NELL1: variants seen among roughly 807,000 people sequenced by gnomAD.
The protein encoded by NELL1 is protein kinase C-binding protein NELL1.
NELL1 carries 76 observed loss-of-function variants against 107.4 expected under a neutral mutation model. That is an observed-to-expected ratio of 0.71 (90% confidence interval 0.59 to 0.86). NELL1 has a LOEUF of 0.86. Ranked by LOEUF, NELL1 falls within the 40% of genes least tolerant of loss-of-function variation. The pLI is 0.00. For synonymous variants in NELL1, 353 were observed against 341.2 expected (o/e 1.03, Z -0.38); for missense variants, 1,024 against 1,005.5 (o/e 1.02, Z -0.25).
At chr11:21,568,765 G>T (rs1391063405) in intron 17 of NELL1, among the ~76,000 whole-genome samples, 1 of 151,530 alleles carries the variant, frequency 6.6e-6, no homozygotes, top group Non-Finnish European at 1.5e-5. Context: ...CCACTTGAAG[G>T]TCTTCAGGGA....
At chr11:21,365,043 T>C (rs1359318817) in intron 14 of NELL1, among the ~76,000 whole-genome samples, 1 of 152,178 alleles carries the variant, frequency 6.6e-6, no homozygotes, top group Non-Finnish European at 1.5e-5. Flanking sequence ...TCCAGGCCCA[T>C]CTCAAATGCT....
intron 14 of NELL1, among the ~76,000 whole-genome samples, chr11:21,239,344 G>T (rs1213383297): frequency 6.6e-6 from 1 of 151,914 alleles, no homozygotes; most frequent in African/African-American, 2.4e-5. Context: ...CTATAACAGG[G>T]ATGGATCGTC....
intron 2 of NELL1, among the ~76,000 whole-genome samples, chr11:20,763,701 A>G (rs746087222): frequency 2.8e-4 from 43 of 152,388 alleles, no homozygotes; most frequent in Non-Finnish European, 5.4e-4. Context: ...GCCGAGCCAC[A>G]GCGAGGGCTG....
chr11:21,491,068 G>C (rs1037715653), intron 15 of NELL1, among the ~76,000 whole-genome samples: 1 of 152,034 alleles, frequency 6.6e-6, no homozygotes, highest in Admixed American at 6.6e-5. Context: ...CTAACATTCA[G>C]AATATTCAAG....
At chr11:21,069,905 A>C (rs573129949) in intron 12 of NELL1, among the ~76,000 whole-genome samples, 1 of 152,294 alleles carries the variant, frequency 6.6e-6, no homozygotes, top group African/African-American at 2.4e-5. Context: ...TAAATAGTTG[A>C]AATGTGTGGA....
Position 20,970,080 on chromosome 11 carries a change from C to CATCCATCCATCCATCCATCCATCCATCT in NELL1, c.1300+9536_1300+9537insATCCATCCATCTATCCATCCATCCATCC, listed in dbSNP as rs1554952009. ...CCATCCATCCATCCATCCATCCATC[C>CATCCATCCATCCATCCATCCATCCATCT]ATCCATCCATCCATCCGTACTCTGA... is the stretch of plus-strand genomic sequence containing the variant. On this transcript the variant is annotated intron_variant, in intron 12 of 19. Transcript: ENST00000357134. Among the ~76,000 whole-genome samples the CATCCATCCATCCATCCATCCATCCATCT allele has an allele frequency of 3.6e-4, 54 of 151,414 alleles. 1 individual carries two copies. The highest frequency in any genetic ancestry group is 8.0e-4 in the African/African-American group (33 of 41,160).
chr11:20,904,227 AG>A (rs1849942959), intron 5 of NELL1, among the ~76,000 whole-genome samples: 2 of 151,962 alleles, frequency 1.3e-5, no homozygotes, highest in African/African-American at 4.8e-5. Context: ...AAAAAAAAAA[AG>A]AAAAAAGTGG....
At chr11:21,437,877 T>G (rs2133841810) in intron 15 of NELL1, among the ~76,000 whole-genome samples, 1 of 152,338 alleles carries the variant, frequency 6.6e-6, no homozygotes, top group African/African-American at 2.4e-5. Flanking sequence ...TTGGAAAACT[T>G]AAATTATTTG....
At chr11:20,881,987 A>G (rs1453248705) in intron 4 of NELL1, among the ~76,000 whole-genome samples, 1 of 152,224 alleles carries the variant, frequency 6.6e-6, no homozygotes, top group Non-Finnish European at 1.5e-5. Context: ...ACTGGAGAGC[A>G]AGGAGTTCAC....
intron 2 of NELL1, among the ~76,000 whole-genome samples, chr11:20,776,750 T>C (rs1399663937): frequency 6.6e-6 from 1 of 151,926 alleles, no homozygotes; most frequent in Non-Finnish European, 1.5e-5. Context: ...GGTGCTAGAA[T>C]GCGGGAGTGT....
chr11:21,469,535 T>C (rs1471803417), intron 15 of NELL1, among the ~76,000 whole-genome samples: 3 of 152,224 alleles, frequency 2.0e-5, no homozygotes, highest in South Asian at 2.1e-4. Flanking sequence ...CATAGCTCTT[T>C]GCAGTTTTGG....
chr11:21,444,312 A>ATT (rs963452291), intron 15 of NELL1, among the ~76,000 whole-genome samples: 3 of 152,056 alleles, frequency 2.0e-5, no homozygotes, highest in Admixed American at 6.5e-5. Flanking sequence ...AAATACATAT[A>ATT]TTTCATCTTT....
At chr11:21,264,071 G>GGTGTGTGTGTGTGTGTGTGT (rs10525326) in intron 14 of NELL1, among the ~76,000 whole-genome samples, 6,121 of 139,360 alleles carry the variant, frequency 0.044, 189 homozygotes, top group African/African-American at 0.09. Context: ...TCTACAATGG[G>GGTGTGTGTGTGTGTGTGTGT]GTGTGTGTGT....
In NELL1 at chr11:20,937,815, G is replaced by T; in HGVS notation, c.1027G>T (p.Ala343Ser). Residue 343 changes from alanine (A) to serine (S), a missense_variant, in exon 10 of 20, where the codon GCA becomes TCA. Coordinates refer to ENST00000357134, the MANE Select transcript of NELL1 (RefSeq NM_006157.5). The part of the protein sequence containing the change: ...PKCIYGGKVL[A>S]EGQRILTKSC... ...ATGTATCTATGGAGGAAAAGTTCTTGCAGAAGGCCAGCGGATTTTAACCAA... is the reference window on the plus strand; with the variant it reads ...ATGTATCTATGGAGGAAAAGTTCTTTCAGAAGGCCAGCGGATTTTAACCAA... 6.2e-7 allele frequency: 1 copy of T among 1,614,064 alleles called. No individual in the cohort carries two copies.
chr11:21,134,915 A>G (rs756722099), intron 13 of NELL1, among the ~76,000 whole-genome samples: 1 of 152,232 alleles, frequency 6.6e-6, no homozygotes, highest in Admixed American at 6.5e-5. Context: ...TCTCATTTGT[A>G]TAATGTGCAT....
chr11:21,294,419 A>C (rs1218409270), intron 14 of NELL1, among the ~76,000 whole-genome samples: 2 of 152,088 alleles, frequency 1.3e-5, no homozygotes, highest in Non-Finnish European at 2.9e-5. Context: ...TGAGAGTAGG[A>C]AACATATTCA....
intron 2 of NELL1, among the ~76,000 whole-genome samples, chr11:20,712,256 C>A (rs1855132386): frequency 6.6e-6 from 1 of 151,892 alleles, no homozygotes. Context: ...TGAAACTTTC[C>A]CTTGTGTTTT....
chr11:21,306,866 T>C (rs1849616097), intron 14 of NELL1, among the ~76,000 whole-genome samples: 1 of 152,072 alleles, frequency 6.6e-6, no homozygotes, highest in Non-Finnish European at 1.5e-5. Flanking sequence ...ATCATGAGCA[T>C]AGAATGTAAT....
intron 15 of NELL1, among the ~76,000 whole-genome samples, chr11:21,517,395 T>C (rs1855593537): frequency 6.6e-6 from 1 of 152,158 alleles, no homozygotes; most frequent in African/African-American, 2.4e-5. Context: ...ATAGTAATGA[T>C]CTTTTCTGGG....
Sources: allele counts gnomAD v4.1 joint callset (sites outside exome capture counted in the v4.1 genomes callset), GRCh38; gene constraint gnomAD v4.1.1; transcripts MANE v1.5; gene names NCBI Gene and HGNC (gene_info 2026-07-23, HGNC 2026-07-21).